FSTL5: variants seen among roughly 807,000 people sequenced by gnomAD.
FSTL5 encodes the protein follistatin-related protein 5.
In FSTL5, 62 loss-of-function variants were observed where a neutral mutation model predicts 89.1. The ratio of observed to expected loss-of-function variants is 0.70; its 90% CI spans 0.57 to 0.86. The LOEUF (loss-of-function observed/expected upper bound fraction) is 0.86, where lower values mean the gene tolerates loss of function less well. Ranked by LOEUF, FSTL5 falls within the 40% of genes least tolerant of loss-of-function variation. FSTL5 has a pLI of 0.00. For synonymous variants in FSTL5, 383 were observed against 346.2 expected, an observed-to-expected ratio of 1.11 and a Z score of -1.18; for missense variants, 1,057 against 1,001.6, an observed-to-expected ratio of 1.06 and a Z score of -0.75.
intron 2 of FSTL5, among the ~76,000 whole-genome samples, chr4:162,094,741 TAGTC>T (rs920070786): frequency 3.3e-5 from 5 of 152,108 alleles, no homozygotes; most frequent in African/African-American, 4.8e-5. Flanking sequence ...ATATAGTAAT[TAGTC>T]AGAAGTGGCA....
At chr4:162,084,895 A>G in intron 2 of FSTL5, among the ~76,000 whole-genome samples, 1 of 152,098 alleles carries the variant, frequency 6.6e-6, no homozygotes, top group Non-Finnish European at 1.5e-5. Context: ...CACATTCTGC[A>G]TATGTACCCC....
chr4:161,406,674 T>C (rs1663193676), intron 15 of FSTL5, among the ~76,000 whole-genome samples: 1 of 152,214 alleles, frequency 6.6e-6, no homozygotes, highest in Admixed American at 6.5e-5. Context: ...CAATATTTGC[T>C]TCACATATTT....
chr4:161,656,573 T>A, intron 6 of FSTL5, 79 bp from the exon 7 acceptor site: 1 of 785,912 alleles, frequency 1.3e-6, no homozygotes, highest in South Asian at 4.4e-5. Context: ...TGAATACTAG[T>A]AATTAAGGCT....
chr4:162,159,335 G>A lies in FSTL5; in HGVS notation c.-17+4280C>T, dbSNP rs1414517146. 2.0e-5 allele frequency among the ~76,000 whole-genome samples: 3 copies of A among 151,900 alleles called. No individual in the cohort carries two copies. The East Asian group carries it at 5.8e-4, about 29-fold the overall frequency. ...GTAAAGTAAGTTTCTCTATTACAAT[G>A]TATATTTAAATACAACTCAATGAAG... On this transcript the variant is annotated intron_variant, in intron 1 of 15. Transcript: ENST00000306100.
intron 8 of FSTL5, among the ~76,000 whole-genome samples, chr4:161,581,098 T>C (rs528159596): frequency 1.0e-3 from 157 of 152,256 alleles, no homozygotes; most frequent in African/African-American, 3.4e-3. Context: ...AGTTGAAGAA[T>C]ATGAAGAAGG....
intron 7 of FSTL5, among the ~76,000 whole-genome samples, chr4:161,617,417 T>C (rs569063253): frequency 2.0e-4 from 31 of 152,206 alleles, no homozygotes; most frequent in Non-Finnish European, 3.8e-4. Flanking sequence ...ACAAAACCTA[T>C]GCAATTATAA....
rs941294643 is a variant in FSTL5, at chr4:162,135,252, C to T, written c.-16-23840G>A. On this transcript the variant is annotated intron_variant, in intron 1 of 15. Coordinates refer to ENST00000306100, the MANE Select transcript of FSTL5 (RefSeq NM_020116.5). ...CAAACTATTAGTCTATGATGTTATA[C>T]CTCAATTTTATTTATATTTAAAACA... Among the ~76,000 whole-genome samples, 7 of 151,924 alleles carry T rather than the reference C, an allele frequency of 4.6e-5. 1 individual carries two copies. The highest frequency in any genetic ancestry group is 4.2e-4 in the South Asian group (2 of 4,810).
chr4:161,712,105 T>C (rs7442468), intron 6 of FSTL5, among the ~76,000 whole-genome samples: 49,349 of 151,954 alleles, frequency 0.32, 9,353 homozygotes, highest in African/African-American at 0.52. Context: ...TTCCATATTA[T>C]ACCAAACTTT....
intron 3 of FSTL5, among the ~76,000 whole-genome samples, chr4:162,021,959 C>T (rs1237423513): frequency 2.6e-5 from 4 of 151,776 alleles, no homozygotes; most frequent in Admixed American, 6.6e-5. Flanking sequence ...GGTGTGGTGG[C>T]GGGTGCCTGT....
chr4:161,653,237 A>T (rs1023668840), intron 7 of FSTL5, among the ~76,000 whole-genome samples: 1 of 152,190 alleles, frequency 6.6e-6, no homozygotes, highest in African/African-American at 2.4e-5. Flanking sequence ...CCCAAGGCAC[A>T]TACTGAAATT....
rs144865239 is a variant in FSTL5 at position 162,105,998 on chromosome 4, G to A, written c.126+5273C>T. Among the ~76,000 whole-genome samples the A allele has an allele frequency of 9.3e-3, 1,408 of 152,080 alleles. 12 individuals carry two copies. Among genetic ancestry groups the A allele is most frequent in the Non-Finnish European group, 0.014 (953 of 67,972 alleles). ...TCTTTAATGTTTGTCTCTTTCCCTA[G>A]AGTTCTCTACTGCCACTCTTCACCA... is the stretch of plus-strand genomic sequence containing the variant. On this transcript the variant is annotated intron_variant, in intron 2 of 15. Transcript: ENST00000306100.
intron 3 of FSTL5, among the ~76,000 whole-genome samples, chr4:161,965,238 A>C (rs547199036): frequency 6.6e-6 from 1 of 152,146 alleles, no homozygotes; most frequent in Admixed American, 6.6e-5. Flanking sequence ...GCACCTGACC[A>C]CTCTCTGGAC....
chr4:161,450,069 C>T (rs1733109107), intron 15 of FSTL5, among the ~76,000 whole-genome samples: 1 of 151,998 alleles, frequency 6.6e-6, no homozygotes, highest in South Asian at 2.1e-4. Flanking sequence ...CCCCCTTCTG[C>T]CCCAAACAAA....
intron 15 of FSTL5, among the ~76,000 whole-genome samples, chr4:161,411,402 C>CA (rs1353387227): frequency 2.0e-5 from 3 of 151,574 alleles, no homozygotes; most frequent in Non-Finnish European, 2.9e-5. Context: ...AACTTAAGAC[C>CA]AATATCCCTG....
At chr4:161,660,382 C>T (rs527979560) in intron 6 of FSTL5, among the ~76,000 whole-genome samples, 1 of 152,132 alleles carries the variant, frequency 6.6e-6, no homozygotes, top group African/African-American at 2.4e-5. Flanking sequence ...CAACTTGCAG[C>T]GTGATTAGTG....
intron 4 of FSTL5, among the ~76,000 whole-genome samples, chr4:161,899,615 T>C (rs557474051): frequency 6.6e-6 from 1 of 152,200 alleles, no homozygotes; most frequent in Non-Finnish European, 1.5e-5. Context: ...GTGTCAGATA[T>C]TATTCTAGGA....
At chr4:161,910,204 T>C (rs2110826058) in intron 4 of FSTL5, among the ~76,000 whole-genome samples, 1 of 152,244 alleles carries the variant, frequency 6.6e-6, no homozygotes, top group African/African-American at 2.4e-5. Context: ...TATGCATTTG[T>C]CTCCTGTGCT....
chr4:161,917,008 T>A (rs1733859468), intron 4 of FSTL5, among the ~76,000 whole-genome samples: 1 of 152,190 alleles, frequency 6.6e-6, no homozygotes, highest in Non-Finnish European at 1.5e-5. Context: ...AGTGCAGTGA[T>A]GCAATCTCCG....
intron 5 of FSTL5, among the ~76,000 whole-genome samples, chr4:161,765,116 T>C (rs1740947619): frequency 6.6e-6 from 1 of 152,220 alleles, no homozygotes; most frequent in South Asian, 2.1e-4. Flanking sequence ...ATTGACAATG[T>C]CATTCTAAGT....
Sources: gnomAD v4.1 joint callset for allele counts (sites outside exome capture counted in the v4.1 genomes callset) on GRCh38, gnomAD v4.1.1 for gene constraint, MANE v1.5 for transcripts, NCBI Gene and HGNC (gene_info 2026-07-23, HGNC 2026-07-21) for gene names.